Variants in ATP6V0A4 observed in about 807,000 individuals in gnomAD.
ATP6V0A4 encodes ATPase H+ transporting V0 subunit a4.
A neutral mutation model predicts 107.3 loss-of-function variants in ATP6V0A4; 86 were observed. That is an observed-to-expected ratio of 0.80 (90% CI 0.67 to 0.96). The LOEUF (loss-of-function observed/expected upper bound fraction) is 0.96, where lower values mean the gene tolerates loss of function less well. Among genes scored for constraint, ATP6V0A4 ranks in the 40% least tolerant of loss-of-function variants. ATP6V0A4 has a pLI of 0.00. For synonymous variants in ATP6V0A4, 353 were observed against 381.4 expected (o/e 0.93, Z 0.87); for missense variants, 908 against 1,045.6 (o/e 0.87, Z 1.81).
intron 15 of ATP6V0A4, among the ~76,000 whole-genome samples, chr7:138,736,927 G>A (rs563333543): frequency 7.3e-5 from 11 of 151,500 alleles, no homozygotes; most frequent in Non-Finnish European, 1.0e-4. Context: ...AGATGTTAAC[G>A]TGCTCAAACT....
At chr7:138,783,535 G>A (rs1808014079) in intron 2 of ATP6V0A4, among the ~76,000 whole-genome samples, 1 of 152,114 alleles carries the variant, frequency 6.6e-6, no homozygotes, top group Admixed American at 6.6e-5. Flanking sequence ...AGACCAGCAT[G>A]GGCAGCATAG....
intron 20 of ATP6V0A4, among the ~76,000 whole-genome samples, chr7:138,714,285 G>A (rs1041215567): frequency 6.7e-6 from 1 of 150,360 alleles, no homozygotes; most frequent in African/African-American, 2.4e-5. Flanking sequence ...TGAAACGGAT[G>A]GGTCTGGAGT....
Position 138,734,136 on chromosome 7 carries a change from A to C in ATP6V0A4, c.1691T>G (p.Ile564Arg). 6.2e-7 allele frequency: 1 copy of C among 1,609,546 alleles called. No homozygotes were observed. Among genetic ancestry groups the C allele is most frequent in the Non-Finnish European group, 8.5e-7 (1 of 1,176,032 alleles). The change falls in exon 16 of 22, where the codon ATA becomes AGA. Residue 564 changes from isoleucine to arginine, a missense_variant and splice_region_variant. Coordinates refer to ENST00000310018, the MANE Select transcript of ATP6V0A4 (RefSeq NM_020632.3). ...FGVILSLFNH[I>R]YFRRTLNIIL... ...GCAGAGAGTGCATCAAGAAACTTAC[A>C]TGTGATTGAAAAGGCTGAGGATGAC...
intron 19 of ATP6V0A4, among the ~76,000 whole-genome samples, chr7:138,717,508 G>A (rs537287543): frequency 6.8e-4 from 104 of 152,024 alleles, no homozygotes; most frequent in African/African-American, 2.1e-3. Flanking sequence ...TCTCGCCACT[G>A]CACTCCAGCC....
At chr7:138,758,633 CTTG>C (rs928246601) in intron 8 of ATP6V0A4, among the ~76,000 whole-genome samples, 1 of 151,270 alleles carries the variant, frequency 6.6e-6, no homozygotes, top group Non-Finnish European at 1.5e-5. Flanking sequence ...CCCTTGAAGC[CTTG>C]TTGTTTGAAG....
chr7:138,737,903 T>G (rs1360987540), intron 15 of ATP6V0A4, among the ~76,000 whole-genome samples: 1 of 151,850 alleles, frequency 6.6e-6, no homozygotes, highest in African/African-American at 2.4e-5. Flanking sequence ...CTGGGACTAC[T>G]GGTGTGTGCC....
intron 14 of ATP6V0A4, among the ~76,000 whole-genome samples, chr7:138,739,864 C>T (rs545566547): frequency 6.6e-6 from 1 of 152,186 alleles, no homozygotes; most frequent in Admixed American, 6.5e-5. Flanking sequence ...AACTCAGGGC[C>T]GGGAGCAGTG....
chr7:138,774,609 A>C (rs1181286153), intron 2 of ATP6V0A4, among the ~76,000 whole-genome samples: 1 of 146,078 alleles, frequency 6.8e-6, no homozygotes. Flanking sequence ...ATATATATCT[A>C]TATATATAAT....
rs1584922295 is a variant in ATP6V0A4 at position 138,747,658 on chromosome 7, G to A, written c.1181-94C>T. 8.4e-6 allele frequency: 13 copies of A among 1,553,692 alleles called. No homozygotes were observed. The East Asian group carries it at 3.1e-4, about 37-fold the overall frequency. The stretch of plus-strand genomic sequence containing the variant: ...GCCACAGCTCCACGATTTGCATGCG[G>A]GTTTCCTTAAGCCTTTCTGGTTGTC... On this transcript the variant is annotated intron_variant, in intron 12 of 21. Coordinates refer to ENST00000310018, the MANE Select transcript of ATP6V0A4 (RefSeq NM_020632.3).
intron 2 of ATP6V0A4, among the ~76,000 whole-genome samples, chr7:138,785,232 T>C (rs1808123512): frequency 6.6e-6 from 1 of 152,104 alleles, no homozygotes; most frequent in Non-Finnish European, 1.5e-5. Flanking sequence ...TTCAAATAAC[T>C]GATTTTATCA....
At chr7:138,775,003 C>G (rs2117347521) in intron 2 of ATP6V0A4, among the ~76,000 whole-genome samples, 1 of 152,066 alleles carries the variant, frequency 6.6e-6, no homozygotes. Flanking sequence ...GTGCATTTCT[C>G]TTGCCCAGGG....
intron 2 of ATP6V0A4, among the ~76,000 whole-genome samples, chr7:138,778,856 T>C (rs1276532407): frequency 6.6e-6 from 1 of 152,078 alleles, no homozygotes; most frequent in Non-Finnish European, 1.5e-5. Flanking sequence ...TCAGAACTTT[T>C]ACCCCCATCC....
intron 8 of ATP6V0A4, 52 bp downstream of exon 8, chr7:138,759,700 C>G (rs1395069290): frequency 6.3e-7 from 1 of 1,597,190 alleles, no homozygotes; most frequent in South Asian, 1.1e-5. Context: ...AGCGCTTCTG[C>G]TGAGGGCTAT....
intron 18 of ATP6V0A4, among the ~76,000 whole-genome samples, chr7:138,722,490 A>G (rs1422049452): frequency 6.6e-6 from 1 of 151,408 alleles, no homozygotes; most frequent in Non-Finnish European, 1.5e-5. Flanking sequence ...CATGGTGAAA[A>G]CCCATCTCTA....
intron 10 of ATP6V0A4, among the ~76,000 whole-genome samples, chr7:138,754,874 C>A (rs1806428918): frequency 6.6e-6 from 1 of 152,124 alleles, no homozygotes; most frequent in African/African-American, 2.4e-5. Flanking sequence ...GTGATCCACC[C>A]ACCTCAGCTT....
chr7:138,723,282 G>A (rs183347612), intron 18 of ATP6V0A4, among the ~76,000 whole-genome samples: 3 of 151,912 alleles, frequency 2.0e-5, no homozygotes, highest in African/African-American at 4.8e-5. Flanking sequence ...ATCATCAGTC[G>A]TACCTTCCAT....
chr7:138,707,097 A>AGTGTGTGTGTGTGTGTGTG (rs1562972241), intron 21 of ATP6V0A4, among the ~76,000 whole-genome samples: 1 of 47,026 alleles, frequency 2.1e-5, no homozygotes, highest in Non-Finnish European at 3.4e-5. Context: ...TGTGTGTATA[A>AGTGTGTGTGTGTGTGTGTG]TATATCATAT....
Position 138,769,198 on chromosome 7 carries a change from CCTT to C in ATP6V0A4, c.168_170del (p.Arg57del), listed in dbSNP as rs775239810. ...GGAGGATTCTCTCCAGTGATTCACA[CCTT>C]CTGACTTCATTCACAAATTTCCTTT... On this transcript the variant is annotated inframe_deletion, in exon 4 of 22. Coordinates refer to ENST00000310018, the MANE Select transcript of ATP6V0A4 (RefSeq NM_020632.3). 1 of 1,612,066 alleles carries C rather than the reference CCTT, an allele frequency of 6.2e-7. No individual in the cohort carries two copies. Among genetic ancestry groups the C allele is most frequent in the South Asian group, 1.1e-5 (1 of 91,048 alleles).
At chr7:138,755,971 A>G in intron 9 of ATP6V0A4, 189 bp from the exon 10 acceptor site, 1 of 1,008,662 alleles carries the variant, frequency 9.9e-7, no homozygotes. Context: ...TTGTGCTGTG[A>G]ATTGAGGCTG....
Sources: allele counts gnomAD v4.1 joint callset (sites outside exome capture counted in the v4.1 genomes callset), GRCh38; gene constraint gnomAD v4.1.1; transcripts MANE v1.5; gene names NCBI Gene and HGNC (gene_info 2026-07-23, HGNC 2026-07-21).